Variants in GAN observed in about 807,000 individuals in gnomAD.
GAN encodes gigaxonin.
GAN carries 48 observed loss-of-function variants against 71.3 expected under a neutral mutation model. The observed-to-expected ratio is 0.67, with a 90% CI of 0.53 to 0.86. The LOEUF is 0.86. Among genes scored for constraint, GAN ranks in the 40% least tolerant of loss-of-function variants. The pLI, the probability that GAN is intolerant of heterozygous loss-of-function variation, is 0.00. For synonymous variants in GAN, 386 were observed against 276.8 expected (o/e 1.39, Z -3.92); for missense variants, 928 against 770.1 (o/e 1.21, Z -2.43).
chr16:81,363,844 G>A lies in GAN; in HGVS notation c.1137G>A (p.Leu379=). The change falls in exon 7 of 11, where the codon TTG becomes TTA. Residue 379 remains leucine (L), a synonymous_variant. Transcript: ENST00000648994. ...AGATAGATGGGATGCTGTACATTTT[G>A]GGAGGAGAGGATGGTGAAAAGGAGC... is the stretch of plus-strand genomic sequence containing the variant. The part of the protein sequence containing the change: ...IVEIDGMLYI[L]GGEDGEKELI... The A allele has an allele frequency of 6.2e-7, 1 of 1,612,286 alleles. No homozygotes were observed.
intron 1 of GAN, among the ~76,000 whole-genome samples, chr16:81,335,599 T>A (rs758049693): frequency 6.6e-6 from 1 of 151,758 alleles, no homozygotes; most frequent in South Asian, 2.1e-4. Context: ...ATACAAAAAT[T>A]AGCTGGGTGT....
At chr16:81,343,293 C>G (rs1246788947) in intron 1 of GAN, among the ~76,000 whole-genome samples, 3 of 152,116 alleles carry the variant, frequency 2.0e-5, no homozygotes, top group Non-Finnish European at 2.9e-5. Context: ...ATCCTGATAC[C>G]AAAGCCTGGG....
intron 1 of GAN, among the ~76,000 whole-genome samples, chr16:81,316,714 G>C (rs899260433): frequency 4.6e-5 from 7 of 152,198 alleles, no homozygotes; most frequent in Non-Finnish European, 7.3e-5. Flanking sequence ...TGGCTTAAAA[G>C]AAGTAAATTG....
In GAN at chr16:81,383,237, CCTCT is replaced by C. The variant is rs1904316057; in HGVS notation, c.*5644_*5647del. ...TTATTTAGTCAGAAATGACTGTTGC[CCTCT>C]CTTTTTTTTTTTTTTTTTTTTTTTT... On this transcript the variant is annotated 3_prime_UTR_variant, in exon 11 of 11. Coordinates refer to ENST00000648994, the MANE Select transcript of GAN (RefSeq NM_022041.4). 1.4e-5 allele frequency: 2 copies of C among 144,958 alleles called. No individual in the cohort carries two copies. The highest frequency in any genetic ancestry group is 2.5e-5 in the African/African-American group (1 of 39,286). 9.0% of individuals were successfully genotyped at this position (144,958 alleles called of 1,614,324 possible).
At chr16:81,339,726 G>A (rs540994871) in intron 1 of GAN, among the ~76,000 whole-genome samples, 1 of 152,180 alleles carries the variant, frequency 6.6e-6, no homozygotes, top group Non-Finnish European at 1.5e-5. Context: ...TGCAGCTTGT[G>A]GCAGGATGGA....
At chr16:81,363,254 A>G (rs1484823009) in intron 6 of GAN, among the ~76,000 whole-genome samples, 3 of 151,860 alleles carry the variant, frequency 2.0e-5, no homozygotes, top group Non-Finnish European at 4.4e-5. Flanking sequence ...GTATTGAACC[A>G]GAGGTAACAG....
chr16:81,326,923 G>C (rs1288908116), intron 1 of GAN, among the ~76,000 whole-genome samples: 1 of 152,194 alleles, frequency 6.6e-6, no homozygotes, highest in Non-Finnish European at 1.5e-5. Flanking sequence ...AAAAGTAAAA[G>C]GTCAGAGTTC....
chr16:81,345,364 A>G (rs1476114228), intron 1 of GAN, among the ~76,000 whole-genome samples: 1 of 152,212 alleles, frequency 6.6e-6, no homozygotes, highest in African/African-American at 2.4e-5. Context: ...ATGTCCATCA[A>G]TGATAGACTA....
intron 1 of GAN, among the ~76,000 whole-genome samples, chr16:81,326,882 A>G (rs1055221258): frequency 6.6e-6 from 1 of 152,234 alleles, no homozygotes; most frequent in African/African-American, 2.4e-5. Context: ...GGACTGAAAC[A>G]TCGTTACCTG....
chr16:81,373,403 A>C (rs888317884), intron 9 of GAN, among the ~76,000 whole-genome samples: 1 of 152,240 alleles, frequency 6.6e-6, no homozygotes, highest in Non-Finnish European at 1.5e-5. Flanking sequence ...TTATTATTAC[A>C]TAGCAGGGTC....
chr16:81,362,548 TAGCTC>T lies in GAN; in HGVS notation c.1026_1030del (p.Ser342ArgfsTer5). On this transcript the variant is annotated frameshift_variant, in exon 6 of 11. Transcript: ENST00000648994. LOFTEE classifies it high-confidence loss of function. ...GCCAAGATGAAAATAAGCAGACTCT[TAGCTC>T]AGGAGAAAAGTATGATCCAGATGCA... The T allele has an allele frequency of 2.5e-6, 4 of 1,611,306 alleles. No homozygotes were observed. The highest frequency in any genetic ancestry group is 2.5e-6 in the Non-Finnish European group (3 of 1,177,382).
rs976162049 is a variant in GAN at position 81,384,825 on chromosome 16, C to T, written c.*7229C>T. ...TCCACACGTGGTCGCCTCCATCCTC[C>T]CTAGTGTCTGTCAGCTTGCCTGGTC... is the stretch of plus-strand genomic sequence containing the variant. On this transcript the variant is annotated 3_prime_UTR_variant, in exon 11 of 11. Coordinates refer to ENST00000648994, the MANE Select transcript of GAN (RefSeq NM_022041.4). The T allele has an allele frequency of 6.6e-6, 1 of 152,386 alleles. No homozygotes were observed. The highest frequency in any genetic ancestry group is 1.5e-5 in the Non-Finnish European group (1 of 68,028). 9.4% of individuals were successfully genotyped at this position (152,386 alleles called of 1,614,324 possible). A position where few individuals can be genotyped will look rare whatever the true frequency, so the allele number is the denominator to read the frequency against.
chr16:81,326,906 C>G (rs759271189), intron 1 of GAN, among the ~76,000 whole-genome samples: 1 of 152,172 alleles, frequency 6.6e-6, no homozygotes, highest in African/African-American at 2.4e-5. Context: ...CATGACTGTC[C>G]TGCCGAAAAA....
intron 9 of GAN, among the ~76,000 whole-genome samples, chr16:81,372,437 G>A (rs1358398632): frequency 6.6e-6 from 1 of 152,092 alleles, no homozygotes; most frequent in Non-Finnish European, 1.5e-5. Context: ...AATTGTTCAG[G>A]GTCGGTGAGA....
chr16:81,350,460 C>T (rs946150685), intron 1 of GAN, among the ~76,000 whole-genome samples: 2 of 152,004 alleles, frequency 1.3e-5, no homozygotes, highest in African/African-American at 4.8e-5. Flanking sequence ...TAGCATAATT[C>T]TACTCCCAGG....
At chr16:81,337,090 G>A (rs1367768174) in intron 1 of GAN, among the ~76,000 whole-genome samples, 1 of 152,098 alleles carries the variant, frequency 6.6e-6, no homozygotes, top group Non-Finnish European at 1.5e-5. Flanking sequence ...TTCCCTGAAG[G>A]TCTATTTTTG....
At chr16:81,375,251 C>T (rs995930859) in intron 9 of GAN, among the ~76,000 whole-genome samples, 1 of 142,682 alleles carries the variant, frequency 7.0e-6, no homozygotes, top group African/African-American at 2.6e-5. Flanking sequence ...AAGAATCTGA[C>T]AATTGAATAA....
At chr16:81,341,667 C>T (rs995164387) in intron 1 of GAN, among the ~76,000 whole-genome samples, 1 of 152,174 alleles carries the variant, frequency 6.6e-6, no homozygotes, top group African/African-American at 2.4e-5. Context: ...CGGTACCAGC[C>T]ACTGTAAAAA....
intron 9 of GAN, among the ~76,000 whole-genome samples, chr16:81,371,144 A>G (rs1216447628): frequency 6.6e-6 from 1 of 152,228 alleles, no homozygotes; most frequent in Non-Finnish European, 1.5e-5. Context: ...TAGTAATTCT[A>G]AAATGTTTGT....
Sources: gnomAD v4.1 joint callset for allele counts (sites outside exome capture counted in the v4.1 genomes callset) on GRCh38, gnomAD v4.1.1 for gene constraint, MANE v1.5 for transcripts, NCBI Gene and HGNC (gene_info 2026-07-23, HGNC 2026-07-21) for gene names.